Variants in COL25A1 observed in about 807,000 individuals in gnomAD.
COL25A1 encodes the protein collagen alpha-1(XXV) chain.
Under a neutral mutation model 128.4 loss-of-function variants are expected in COL25A1, and 103 were observed. The observed-to-expected ratio is 0.80, with a 90% CI of 0.68 to 0.94. The LOEUF is 0.94. COL25A1 is among the 40% of genes least tolerant of loss of function. The pLI is 0.00. For missense variants in COL25A1, 745 were observed against 840.0 expected (o/e 0.89, Z 1.40); for synonymous variants, 279 against 277.2 (o/e 1.01, Z -0.06).
At chr4:108,991,736 C>T (rs990651538) in intron 6 of COL25A1, among the ~76,000 whole-genome samples, 4 of 152,112 alleles carry the variant, frequency 2.6e-5, no homozygotes, top group Middle Eastern at 3.4e-3. Flanking sequence ...TTCCACTCCC[C>T]GCCCCCAAGT....
chr4:108,833,428 C>G (rs182106768), intron 31 of COL25A1, among the ~76,000 whole-genome samples: 49 of 152,138 alleles, frequency 3.2e-4, no homozygotes, highest in Non-Finnish European at 5.6e-4. Context: ...AATGTAAGAA[C>G]GCTGAGGTCC....
At chr4:108,984,485 G>A (rs992128202) in intron 6 of COL25A1, among the ~76,000 whole-genome samples, 3 of 152,216 alleles carry the variant, frequency 2.0e-5, no homozygotes, top group Admixed American at 6.5e-5. Context: ...AGACCATGAG[G>A]GGGGCGGGAG....
chr4:109,261,872 T>G (rs1450332720), intron 3 of COL25A1, among the ~76,000 whole-genome samples: 2 of 151,860 alleles, frequency 1.3e-5, no homozygotes, highest in Non-Finnish European at 2.9e-5. Flanking sequence ...TATTTTTTTG[T>G]ATTTTTAGTA....
chr4:108,856,710 A>G (rs1025672422), intron 24 of COL25A1, among the ~76,000 whole-genome samples: 1 of 152,162 alleles, frequency 6.6e-6, no homozygotes, highest in African/African-American at 2.4e-5. Context: ...CTAGTTGACT[A>G]TGATGGATAT....
At chr4:108,919,963 T>C (rs934838753) in intron 12 of COL25A1, among the ~76,000 whole-genome samples, 3 of 152,112 alleles carry the variant, frequency 2.0e-5, no homozygotes, top group African/African-American at 7.2e-5. Context: ...GGTTTCACCA[T>C]GTTGGTCAGG....
rs564838542 is a variant in COL25A1 at position 109,217,676 on chromosome 4, C to T, written c.367+82907G>A. On this transcript the variant is annotated intron_variant, in intron 3 of 37. Coordinates refer to ENST00000399132, the MANE Select transcript of COL25A1 (RefSeq NM_198721.4). ...AACCTCCCGAGGATACCATAATCCA[C>T]GGAGTCCTTTGTGGATCACGTTTGA... Among the ~76,000 whole-genome samples the T allele has an allele frequency of 2.6e-5, 4 of 152,192 alleles. No individual in the cohort carries two copies. In the South Asian group the frequency reaches 6.2e-4, roughly 24 times the overall value.
rs17039693 is a variant in COL25A1, at chr4:109,041,128, G to A, written c.420+7040C>T. Among the ~76,000 whole-genome samples, 116 of 152,134 alleles carry A rather than the reference G, an allele frequency of 7.6e-4. No individual in the cohort carries two copies. In the East Asian group the frequency reaches 0.018, roughly 24 times the overall value. ...AACCAGAATTGTGCCTAGTTGAGGA[G>A]GTTACCCTGGACCCAATCCTGTTAT... On this transcript the variant is annotated intron_variant, in intron 5 of 37. Transcript: ENST00000399132.
chr4:108,860,206 T>G (rs1401274955), intron 23 of COL25A1, among the ~76,000 whole-genome samples: 1 of 152,124 alleles, frequency 6.6e-6, no homozygotes, highest in Non-Finnish European at 1.5e-5. Context: ...CTGCCTCCTG[T>G]GTTCAAGCAA....
At chr4:109,044,525 T>C (rs1760236190) in intron 5 of COL25A1, among the ~76,000 whole-genome samples, 1 of 152,156 alleles carries the variant, frequency 6.6e-6, no homozygotes, top group Non-Finnish European at 1.5e-5. Flanking sequence ...GCACATTTCA[T>C]AATGAAGTGA....
At chr4:109,051,115 A>C (rs1016009157) in intron 3 of COL25A1, among the ~76,000 whole-genome samples, 5 of 152,018 alleles carry the variant, frequency 3.3e-5, no homozygotes, top group African/African-American at 1.2e-4. Context: ...CAGGAGAAGA[A>C]GGCCAAGGAA....
intron 19 of COL25A1, among the ~76,000 whole-genome samples, chr4:108,877,899 T>C (rs533105918): frequency 2.0e-5 from 3 of 152,334 alleles, no homozygotes; most frequent in East Asian, 3.9e-4. Flanking sequence ...CAAGAAAGTA[T>C]TTCAGGTGAC....
intron 6 of COL25A1, among the ~76,000 whole-genome samples, chr4:108,993,219 T>C (rs1294926932): frequency 6.6e-6 from 1 of 152,186 alleles, no homozygotes; most frequent in Non-Finnish European, 1.5e-5. Flanking sequence ...TAACTGCCAT[T>C]CTACCCTCTG....
At chr4:108,942,157 G>A (rs545337324) in intron 8 of COL25A1, 18 of 1,524,452 alleles carry the variant, frequency 1.2e-5, no homozygotes, top group South Asian at 2.4e-5. Context: ...TCCTGCTCAC[G>A]CTTATGCTGA....
chr4:108,981,734 G>A (rs776797236), intron 6 of COL25A1, among the ~76,000 whole-genome samples: 1 of 151,994 alleles, frequency 6.6e-6, no homozygotes, highest in Non-Finnish European at 1.5e-5. Flanking sequence ...TCTTAAAATG[G>A]GGAAAATAAT....
At chr4:109,171,716 T>G (rs1007619186) in intron 3 of COL25A1, among the ~76,000 whole-genome samples, 1 of 152,170 alleles carries the variant, frequency 6.6e-6, no homozygotes, top group Non-Finnish European at 1.5e-5. Context: ...ACACCTGACA[T>G]GTAATTGGTG....
chr4:109,218,369 T>TTTTTTTTTTTTTTG (rs1778191174), intron 3 of COL25A1, among the ~76,000 whole-genome samples: 1 of 140,842 alleles, frequency 7.1e-6, no homozygotes, highest in African/African-American at 2.6e-5. Flanking sequence ...TTTTTTTTTT[T>TTTTTTTTTTTTTTG]TTTTTTTTTT....
At chr4:108,847,728 T>C (rs1735279391) in intron 27 of COL25A1, among the ~76,000 whole-genome samples, 1 of 152,336 alleles carries the variant, frequency 6.6e-6, no homozygotes, top group African/African-American at 2.4e-5. Context: ...ATCTATGATA[T>C]AGCAAATCAT....
At chr4:108,817,055 A>C (rs58915776) in intron 37 of COL25A1, among the ~76,000 whole-genome samples, 17 of 152,276 alleles carry the variant, frequency 1.1e-4, no homozygotes, top group African/African-American at 3.8e-4. Context: ...TGTCAGTGTA[A>C]GTAAGGATAA....
chr4:109,028,330 A>C (rs1158539307), intron 5 of COL25A1, among the ~76,000 whole-genome samples: 1 of 152,080 alleles, frequency 6.6e-6, no homozygotes, highest in Non-Finnish European at 1.5e-5. Flanking sequence ...GCTGGTCTTG[A>C]ACTCCTGGGC....
Sources: gnomAD v4.1 joint callset for allele counts (sites outside exome capture counted in the v4.1 genomes callset) on GRCh38, gnomAD v4.1.1 for gene constraint, MANE v1.5 for transcripts, NCBI Gene and HGNC (gene_info 2026-07-23, HGNC 2026-07-21) for gene names.